Variants in SPMIP7 observed in about 807,000 individuals in gnomAD.
SPMIP7 encodes the protein sperm microtubule inner protein 7.
the SPMIP7 span, among the ~76,000 whole-genome samples, chr7:50,143,884 A>G: frequency 6.6e-6 from 1 of 152,226 alleles, no homozygotes; most frequent in Non-Finnish European, 1.5e-5. Flanking sequence ...ACATTACCAC[A>G]TAATTATGGG....
the SPMIP7 span, among the ~76,000 whole-genome samples, chr7:50,137,255 T>A: frequency 1.3e-5 from 2 of 152,174 alleles, no homozygotes; most frequent in South Asian, 4.1e-4. Flanking sequence ...AACTATATAA[T>A]ACAAAAATTG....
At chr7:50,096,109 A>G in the SPMIP7 span, 40 of 1,515,568 alleles carry the variant, frequency 2.6e-5, no homozygotes, top group East Asian at 9.1e-4. Flanking sequence ...TTCAGGACAC[A>G]CCTGGAAAGA....
At chr7:50,099,227 C>G in the SPMIP7 span, among the ~76,000 whole-genome samples, 1 of 152,136 alleles carries the variant, frequency 6.6e-6, no homozygotes, top group Non-Finnish European at 1.5e-5. Flanking sequence ...CCTCTATGTC[C>G]TTATCGATCT....
the SPMIP7 span, among the ~76,000 whole-genome samples, chr7:50,099,604 TC>T: frequency 6.6e-6 from 1 of 152,308 alleles, no homozygotes; most frequent in East Asian, 1.9e-4. Flanking sequence ...CTGTTTTCCT[TC>T]CCAAGTGAAT....
chr7:50,130,529 T>G, the SPMIP7 span, among the ~76,000 whole-genome samples: 2 of 152,118 alleles, frequency 1.3e-5, no homozygotes, highest in Non-Finnish European at 1.5e-5. Flanking sequence ...AGGTCAGATT[T>G]GGGTGGGGAC....
the SPMIP7 span, among the ~76,000 whole-genome samples, chr7:50,120,895 T>C: frequency 1.3e-5 from 2 of 152,222 alleles, no homozygotes; most frequent in Non-Finnish European, 2.9e-5. Context: ...TAAATACTGA[T>C]GAATTGTCTT....
At chr7:50,096,202 G>A in the SPMIP7 span, 26 of 1,551,772 alleles carry the variant, frequency 1.7e-5, no homozygotes, top group African/African-American at 3.4e-4. Flanking sequence ...TAAGAAAAAT[G>A]AACATGCCTT....
At chr7:50,117,580 C>T in the SPMIP7 span, among the ~76,000 whole-genome samples, 2 of 152,192 alleles carry the variant, frequency 1.3e-5, no homozygotes, top group Admixed American at 1.3e-4. Context: ...CAGGTGAAGA[C>T]CACAATTGTG....
At chr7:50,134,570 T>C in the SPMIP7 span, among the ~76,000 whole-genome samples, 3 of 152,208 alleles carry the variant, frequency 2.0e-5, no homozygotes, top group African/African-American at 7.2e-5. Context: ...AATGAGTAAA[T>C]AATGAAGAAG....
chr7:50,157,673 A>T, the SPMIP7 span, among the ~76,000 whole-genome samples: 7 of 152,212 alleles, frequency 4.6e-5, no homozygotes, highest in Middle Eastern at 3.2e-3. Context: ...CCAGCATTGT[A>T]ACTCGCTGCT....
At chr7:50,130,585 A>C in the SPMIP7 span, among the ~76,000 whole-genome samples, 8 of 152,174 alleles carry the variant, frequency 5.3e-5, no homozygotes, top group Non-Finnish European at 8.8e-5. Context: ...ATAAACAAAC[A>C]CACTTAGAAA....
chr7:50,133,414 G>GCT, the SPMIP7 span, among the ~76,000 whole-genome samples: 1 of 152,126 alleles, frequency 6.6e-6, no homozygotes, highest in Non-Finnish European at 1.5e-5. Flanking sequence ...ACCAATAGCT[G>GCT]ACCTTAAGCA....
chr7:50,155,806 T>TGC, the SPMIP7 span, among the ~76,000 whole-genome samples: 5 of 152,390 alleles, frequency 3.3e-5, no homozygotes, highest in African/African-American at 4.8e-5. Context: ...ACACACATAC[T>TGC]ACACACATGG....
chr7:50,158,998 A>T, the SPMIP7 span: 9 of 1,540,236 alleles, frequency 5.8e-6, no homozygotes, highest in South Asian at 1.1e-4. Flanking sequence ...GTATTTGTAC[A>T]TGTCTTTTAT....
chr7:50,129,487 A>G, the SPMIP7 span, among the ~76,000 whole-genome samples: 58 of 152,162 alleles, frequency 3.8e-4, no homozygotes, highest in Non-Finnish European at 7.4e-4. Context: ...CTCACTTTCC[A>G]TTAACTTTAA....
chr7:50,155,148 A>G, the SPMIP7 span, among the ~76,000 whole-genome samples: 1 of 152,168 alleles, frequency 6.6e-6, no homozygotes, highest in Non-Finnish European at 1.5e-5. Context: ...CTGCCTTTTC[A>G]TCTTGCTGAT....
the SPMIP7 span, among the ~76,000 whole-genome samples, chr7:50,111,171 G>A: frequency 8.0e-3 from 1,207 of 150,416 alleles, 10 homozygotes; most frequent in Non-Finnish European, 9.3e-3. Context: ...GGTAATACCC[G>A]AGATTTGTTG....
At chr7:50,140,232 T>A in the SPMIP7 span, 1 of 1,149,574 alleles carries the variant, frequency 8.7e-7, no homozygotes, top group Non-Finnish European at 1.2e-6. Flanking sequence ...TATATTTTGG[T>A]TGTAGTTGCT....
the SPMIP7 span, among the ~76,000 whole-genome samples, chr7:50,111,033 T>C: frequency 6.9e-6 from 1 of 145,388 alleles, no homozygotes; most frequent in African/African-American, 2.5e-5. Flanking sequence ...ATGTATATTA[T>C]ATATTTATTA....
Sources: gnomAD v4.1 joint callset for allele counts (sites outside exome capture counted in the v4.1 genomes callset) on GRCh38, gnomAD v4.1.1 for gene constraint, MANE v1.5 for transcripts, NCBI Gene and HGNC (gene_info 2026-07-23, HGNC 2026-07-21) for gene names.